AOPEP: variants seen among roughly 807,000 people sequenced by gnomAD.
AOPEP encodes aminopeptidase O (putative), also known as aminopeptidase O.
In AOPEP, 77 loss-of-function variants were observed where a neutral mutation model predicts 98.1. That is an observed-to-expected ratio of 0.78 (90% CI 0.65 to 0.95). AOPEP has a LOEUF of 0.95. AOPEP is among the 40% of genes least tolerant of loss of function. The probability of loss-of-function intolerance (pLI) is 0.00; values close to 1 mark genes in which losing one functional copy is unlikely to be tolerated. For missense variants in AOPEP, 1,024 were observed against 1,024.7 expected, an observed-to-expected ratio of 1.00 and a Z score of 0.01; for synonymous variants, 346 against 365.3, an observed-to-expected ratio of 0.95 and a Z score of 0.60.
At chr9:95,080,359 C>T (rs759545143) in intron 14 of AOPEP, among the ~76,000 whole-genome samples, 5 of 151,968 alleles carry the variant, frequency 3.3e-5, no homozygotes, top group Admixed American at 1.3e-4. Flanking sequence ...AACCCCGTCT[C>T]TACAAAAATT....
At chr9:95,111,298 A>G in the AOPEP span, 1 of 1,582,484 alleles carries the variant, frequency 6.3e-7, no homozygotes, top group Non-Finnish European at 8.5e-7. Flanking sequence ...GCCTCTGACC[A>G]CAAGGCTGGA....
the AOPEP span, among the ~76,000 whole-genome samples, chr9:95,148,634 T>C: frequency 6.6e-6 from 1 of 152,222 alleles, no homozygotes; most frequent in Non-Finnish European, 1.5e-5. Flanking sequence ...ATACTGCATA[T>C]GAAATATGTC....
intron 5 of AOPEP, among the ~76,000 whole-genome samples, chr9:94,912,979 T>C (rs1216512072): frequency 1.3e-5 from 2 of 152,244 alleles, no homozygotes; most frequent in Non-Finnish European, 2.9e-5. Flanking sequence ...CCAGTGTTCA[T>C]TGTATTTTTT....
chr9:94,775,462 C>A (rs1284796561), intron 3 of AOPEP, among the ~76,000 whole-genome samples: 1 of 151,854 alleles, frequency 6.6e-6, no homozygotes, highest in African/African-American at 2.4e-5. Flanking sequence ...CTCTGCCTCC[C>A]GGGTTCAGGC....
At chr9:95,036,829 G>A (rs1330428403) in intron 13 of AOPEP, among the ~76,000 whole-genome samples, 2 of 152,062 alleles carry the variant, frequency 1.3e-5, no homozygotes, top group South Asian at 2.1e-4. Flanking sequence ...GGGACTGTGG[G>A]TTTTTAGAGA....
rs115516451 is a variant in AOPEP, at chr9:94,850,107, C to T, written c.1364+49105C>T. Among the ~76,000 whole-genome samples, 1,111 of 151,928 alleles carry T rather than the reference C, an allele frequency of 7.3e-3. 14 individuals carry two copies. The highest frequency in any genetic ancestry group is 0.026 in the African/African-American group (1,071 of 41,442). On this transcript the variant is annotated intron_variant, in intron 5 of 16. Transcript: ENST00000375315. The stretch of plus-strand genomic sequence containing the variant: ...GAGGCAGAGCTCAGGCGAGAATGCT[C>T]ACTTGCCTGAGGTTCACCTGCTGTG...
At chr9:95,120,812 C>A in the AOPEP span, among the ~76,000 whole-genome samples, 29,633 of 152,176 alleles carry the variant, frequency 0.19, 3,027 homozygotes, top group Middle Eastern at 0.3. Context: ...AAATTAATGT[C>A]ATTGTTGGTA....
At chr9:94,962,935 G>A (rs941182355) in intron 9 of AOPEP, among the ~76,000 whole-genome samples, 1 of 151,922 alleles carries the variant, frequency 6.6e-6, no homozygotes, top group Non-Finnish European at 1.5e-5. Flanking sequence ...TAGTAGAAAT[G>A]GGGTTTCACC....
At chr9:94,839,468 C>T (rs2042036421) in intron 5 of AOPEP, among the ~76,000 whole-genome samples, 1 of 152,114 alleles carries the variant, frequency 6.6e-6, no homozygotes, top group Non-Finnish European at 1.5e-5. Context: ...CATGATCTGC[C>T]CATCTCAGCC....
chr9:94,880,313 G>A (rs1053146442), intron 5 of AOPEP, among the ~76,000 whole-genome samples: 46 of 151,142 alleles, frequency 3.0e-4, no homozygotes, highest in African/African-American at 1.1e-3. Flanking sequence ...TTTTAATAAT[G>A]TAATTTTTAT....
intron 5 of AOPEP, among the ~76,000 whole-genome samples, chr9:94,861,969 G>A (rs1014421024): frequency 6.6e-6 from 1 of 152,150 alleles, no homozygotes; most frequent in African/African-American, 2.4e-5. Flanking sequence ...ACTCAACAAC[G>A]GCTTTGTTTA....
Position 94,760,035 on chromosome 9 carries a change from GAC to G in AOPEP, c.254_255del (p.Thr85LysfsTer8). On this transcript the variant is annotated frameshift_variant, in exon 2 of 17. Transcript: ENST00000375315. LOFTEE classifies it high-confidence loss of function. ...GMPEPCHIPV[T>X]NARTFSSEME... ...TGCCTGAACCCTGCCATATTCCCGT[GAC>G]AAATGCAAGGACCTTCTCATCTGAA... 1 of 1,614,174 alleles carries G rather than the reference GAC, an allele frequency of 6.2e-7. No homozygotes were observed. Among genetic ancestry groups the G allele is most frequent in the African/African-American group, 1.3e-5 (1 of 75,046 alleles).
intron 14 of AOPEP, among the ~76,000 whole-genome samples, chr9:95,079,580 C>T (rs1262346325): frequency 6.6e-6 from 1 of 152,196 alleles, no homozygotes; most frequent in Non-Finnish European, 1.5e-5. Flanking sequence ...GGTGAATCTT[C>T]TTGTAGAGCA....
intron 7 of AOPEP, among the ~76,000 whole-genome samples, chr9:94,945,566 C>T (rs536652903): frequency 6.6e-6 from 1 of 152,264 alleles, no homozygotes; most frequent in South Asian, 2.1e-4. Flanking sequence ...GGCTGAAAAC[C>T]AGGCAAGCCC....
At chr9:95,141,796 C>T in the AOPEP span, among the ~76,000 whole-genome samples, 1 of 151,990 alleles carries the variant, frequency 6.6e-6, no homozygotes, top group Non-Finnish European at 1.5e-5. Flanking sequence ...GAATTGTTTT[C>T]TTATTAAGCA....
intron 9 of AOPEP, among the ~76,000 whole-genome samples, chr9:94,962,182 CCT>C (rs533258427): frequency 7.2e-5 from 11 of 152,198 alleles, no homozygotes; most frequent in African/African-American, 2.6e-4. Flanking sequence ...TAATTAATTC[CCT>C]CTCAATTAAT....
chr9:95,087,697 G>A (rs1215716575), downstream of AOPEP, among the ~76,000 whole-genome samples: 1 of 152,120 alleles, frequency 6.6e-6, no homozygotes, highest in African/African-American at 2.4e-5. Flanking sequence ...GTGGGAGTCT[G>A]GTGGTATGAT....
intron 8 of AOPEP, 65 bp from the exon 9 acceptor site, chr9:94,955,842 TA>T: frequency 8.9e-7 from 1 of 1,124,618 alleles, no homozygotes; most frequent in Non-Finnish European, 1.3e-6. Context: ...TAGGGCTGAC[TA>T]TATAACCATT....
chr9:94,822,928 C>T (rs1853591570), intron 5 of AOPEP, among the ~76,000 whole-genome samples: 2 of 152,056 alleles, frequency 1.3e-5, no homozygotes, highest in Admixed American at 6.5e-5. Flanking sequence ...CAGTTCCCTG[C>T]CTGTGGAGCC....
Sources: gnomAD v4.1 joint callset for allele counts (sites outside exome capture counted in the v4.1 genomes callset) on GRCh38, gnomAD v4.1.1 for gene constraint, MANE v1.5 for transcripts, NCBI Gene and HGNC (gene_info 2026-07-23, HGNC 2026-07-21) for gene names.